IFNAR2: variants seen among roughly 807,000 people sequenced by gnomAD.
IFNAR2 encodes the protein interferon alpha/beta receptor 2.
IFNAR2 carries 30 observed loss-of-function variants against 49.4 expected under a neutral mutation model. That is an observed-to-expected ratio of 0.61 (90% CI 0.45 to 0.82). IFNAR2 has a LOEUF of 0.82. Ranked by LOEUF, IFNAR2 falls within the 40% of genes least tolerant of loss-of-function variation. The probability of loss-of-function intolerance (pLI) is 0.00; values close to 1 mark genes in which losing one functional copy is unlikely to be tolerated. For missense variants in IFNAR2, 600 were observed against 622.7 expected, an observed-to-expected ratio of 0.96 and a Z score of 0.39; for synonymous variants, 224 against 234.5, an observed-to-expected ratio of 0.96 and a Z score of 0.41.
At chr21:33,240,004 G>T (rs112572974) in intron 1 of IFNAR2, among the ~76,000 whole-genome samples, 2 of 146,064 alleles carry the variant, frequency 1.4e-5, no homozygotes, top group Admixed American at 6.8e-5. Flanking sequence ...CCTTCTGCAG[G>T]CCCAGAGTGG....
chr21:33,233,008 G>A, intron 1 of IFNAR2: 1 of 872,476 alleles, frequency 1.1e-6, no homozygotes, highest in Non-Finnish European at 1.4e-6. Context: ...TGGAACAGAA[G>A]AAATTCATTA....
At chr21:33,232,941 G>T in intron 1 of IFNAR2, 6 of 983,614 alleles carry the variant, frequency 6.1e-6, no homozygotes, top group Non-Finnish European at 7.2e-6. Flanking sequence ...GGAAAAATAG[G>T]AAAGGAAAGA....
chr21:33,230,094 C>T lies in IFNAR2; in HGVS notation c.-206C>T, dbSNP rs925699933. The T allele has an allele frequency of 1.2e-5, 12 of 988,010 alleles. No individual in the cohort carries two copies. The African/African-American group carries it at 1.4e-4, about 12-fold the overall frequency. The allele number at this position is 988,010 out of a possible 1,614,324, so 61.2% of individuals were successfully genotyped here. On this transcript the variant is annotated 5_prime_UTR_variant, in exon 1 of 9. Transcript: ENST00000342136. This position sits in a 1 kb window ranked among gnomAD's most constrained non-coding sequence, Gnocchi z 5.5. Reference sequence around the variant, plus strand: ...CGGGCCGCTTTTGTCCCCCGCCCGCCGCTTCTGTCCGAGAGGCCGCCCGCG... The same window carrying T: ...CGGGCCGCTTTTGTCCCCCGCCCGCTGCTTCTGTCCGAGAGGCCGCCCGCG...
At chr21:33,234,183 CTGTGTGTGTG>C (rs61686449) in intron 1 of IFNAR2, among the ~76,000 whole-genome samples, 64 of 140,800 alleles carry the variant, frequency 4.5e-4, no homozygotes, top group East Asian at 2.5e-3. Context: ...AACAGAAACA[CTGTGTGTGTG>C]TGTGTGTGTG....
At chr21:33,240,147 A>T (rs148141485) in intron 1 of IFNAR2, among the ~76,000 whole-genome samples, 1 of 152,290 alleles carries the variant, frequency 6.6e-6, no homozygotes, top group African/African-American at 2.4e-5. Context: ...CCTCTCACAC[A>T]TTTGTAAATA....
At chr21:33,240,210 C>T (rs191897040) in intron 1 of IFNAR2, among the ~76,000 whole-genome samples, 112 of 152,332 alleles carry the variant, frequency 7.4e-4, no homozygotes, top group South Asian at 2.9e-3. Context: ...TTTTATATGA[C>T]GATAGCCCCA....
At chr21:33,234,550 C>T (rs1601784555) in intron 1 of IFNAR2, among the ~76,000 whole-genome samples, 2 of 152,030 alleles carry the variant, frequency 1.3e-5, no homozygotes, top group South Asian at 4.1e-4. Flanking sequence ...CATACTTTAC[C>T]AGGAGACTAT....
At chr21:33,235,685 G>T (rs1986397734) in intron 1 of IFNAR2, among the ~76,000 whole-genome samples, 1 of 152,172 alleles carries the variant, frequency 6.6e-6, no homozygotes, top group African/African-American at 2.4e-5. Context: ...CCAGCACTTT[G>T]GGAGGCCAAG....
chr21:33,252,221 C>T lies in IFNAR2; in HGVS notation c.541-441C>T, dbSNP rs545312010. On this transcript the variant is annotated intron_variant, in intron 6 of 8. Transcript: ENST00000342136. ...GGAGAAGTTACTTAGCCACACTGAGCTACAGTTTTCTCATCCGTTGAATGG... is the reference window on the plus strand; with the variant it reads ...GGAGAAGTTACTTAGCCACACTGAGTTACAGTTTTCTCATCCGTTGAATGG... The T allele has an allele frequency of 9.6e-4, 450 of 466,920 alleles. 3 individuals are homozygous for T. The highest frequency in any genetic ancestry group is 6.8e-3 in the South Asian group (432 of 63,600). 28.9% of individuals were successfully genotyped at this position (466,920 alleles called of 1,614,324 possible).
At chr21:33,260,542 C>G in intron 7 of IFNAR2, 55 bp from the exon 8 acceptor site, 1 of 1,509,378 alleles carries the variant, frequency 6.6e-7, no homozygotes, top group East Asian at 2.5e-5. Flanking sequence ...TTATTTCCAT[C>G]TGCAATTGTT....
At chr21:33,242,922 G>T (rs1431567315) in intron 2 of IFNAR2, among the ~76,000 whole-genome samples, 1 of 149,594 alleles carries the variant, frequency 6.7e-6, no homozygotes, top group South Asian at 2.2e-4. Flanking sequence ...CCAAGTAGAC[G>T]GGATTACAGG....
intron 1 of IFNAR2, among the ~76,000 whole-genome samples, chr21:33,234,535 A>G (rs189110596): frequency 0.019 from 2,907 of 152,264 alleles, 39 homozygotes; most frequent in South Asian, 0.026. Context: ...AAGGAAAGAC[A>G]CAGCCATACT....
rs1988882745 is a variant in IFNAR2 at position 33,265,181 on chromosome 21, C to A, written c.*1681C>A. The A allele has an allele frequency of 6.6e-6, 1 of 152,022 alleles. No individual in the cohort carries two copies. The highest frequency in any genetic ancestry group is 6.6e-5 in the Admixed American group (1 of 15,262). 9.4% of individuals were successfully genotyped at this position (152,022 alleles called of 1,614,324 possible). A position where few individuals can be genotyped will look rare whatever the true frequency, so the allele number is the denominator to read the frequency against. ...TAGGTAATCTCCAAGATCCTAGGAA[C>A]CCAGGAGAAAGATGAGAAAATGTAC... On this transcript the variant is annotated 3_prime_UTR_variant, in exon 9 of 9. Coordinates refer to ENST00000342136, the MANE Select transcript of IFNAR2 (RefSeq NM_001289125.3).
rs920402760 is a variant in IFNAR2, at chr21:33,258,610, G to A, written c.710-1987G>A. 5.3e-5 allele frequency among the ~76,000 whole-genome samples: 8 copies of A among 152,206 alleles called. 1 individual carries two copies. In the South Asian group the frequency reaches 1.7e-3, roughly 32 times the overall value. On this transcript the variant is annotated intron_variant, in intron 7 of 8. Coordinates refer to ENST00000342136, the MANE Select transcript of IFNAR2 (RefSeq NM_001289125.3). ...TGCATCATTTGTTACGGTGGCAATG[G>A]GAAACAAACACAAGGTGAGGGAGTG...
At chr21:33,254,483 T>C (rs1453789658) in intron 7 of IFNAR2, among the ~76,000 whole-genome samples, 1 of 152,150 alleles carries the variant, frequency 6.6e-6, no homozygotes, top group African/African-American at 2.4e-5. Context: ...AGAACCCCCT[T>C]CCCAGTCCAG....
At chr21:33,261,957 A>G (rs1441302000) in intron 8 of IFNAR2, among the ~76,000 whole-genome samples, 3 of 152,236 alleles carry the variant, frequency 2.0e-5, no homozygotes, top group East Asian at 1.9e-4. Flanking sequence ...AACATAGTCT[A>G]TGTGGCCAGC....
intron 7 of IFNAR2, among the ~76,000 whole-genome samples, chr21:33,253,258 C>T (rs17860260): frequency 0.023 from 3,564 of 152,256 alleles, 47 homozygotes; most frequent in Non-Finnish European, 0.036. Context: ...CATCAGCTCT[C>T]GCTCATAGAT....
intron 6 of IFNAR2, chr21:33,252,369 G>A (rs1305298843): frequency 5.3e-6 from 5 of 942,562 alleles, no homozygotes; most frequent in East Asian, 9.8e-5. Context: ...TAAAAATGAC[G>A]TCACAGAGAC....
At position 33,263,371 on chromosome 21, in the gene IFNAR2, C is replaced by G; in HGVS notation, c.1419C>G (p.Ser473Arg). 6.2e-7 allele frequency: 1 copy of G among 1,614,062 alleles called. No individual in the cohort carries two copies. Among genetic ancestry groups the G allele is most frequent in the African/African-American group, 1.3e-5 (1 of 75,000 alleles). Residue 473 changes from serine to arginine, a missense_variant, in exon 9 of 9, where the codon AGC (serine) becomes AGG (arginine). Transcript: ENST00000342136. ...TGCAATCAAACCATTTGCTGGCCAG[C>G]GGGGAAGGGACACAGCCAACCTTTC... ...DNVQSNHLLA[S>R]GEGTQPTFPS...
Sources: allele counts gnomAD v4.1 joint callset (sites outside exome capture counted in the v4.1 genomes callset), GRCh38; gene constraint gnomAD v4.1.1; non-coding constraint Gnocchi (gnomAD v3.1); transcripts MANE v1.5; gene names NCBI Gene and HGNC (gene_info 2026-07-23, HGNC 2026-07-21).